TRIL: variants seen among roughly 807,000 people sequenced by gnomAD.
The protein encoded by TRIL is TLR4 interactor with leucine rich repeats.
In TRIL, 23 loss-of-function variants were observed where a neutral mutation model predicts 43.0. The ratio of observed to expected loss-of-function variants is 0.54; its 90% CI spans 0.39 to 0.76. The LOEUF (loss-of-function observed/expected upper bound fraction) is 0.76, where lower values mean the gene tolerates loss of function less well. Ranked by LOEUF, TRIL falls within the 30% of genes least tolerant of loss-of-function variation. The pLI, the probability that TRIL is intolerant of heterozygous loss-of-function variation, is 0.00. For synonymous variants in TRIL, 602 were observed against 556.8 expected, an observed-to-expected ratio of 1.08 and a Z score of -1.14; for missense variants, 1,114 against 1,139.3, an observed-to-expected ratio of 0.98 and a Z score of 0.32.
In TRIL at chr7:28,957,328, T is replaced by C. The variant is rs740250; in HGVS notation, c.719A>G (p.Asn240Ser). 0.86 allele frequency: 1,384,608 copies of C among 1,612,334 alleles called. 595,663 individuals carry two copies. Among genetic ancestry groups the C allele is most frequent in the African/African-American group, 0.91 (68,604 of 75,046 alleles). The change falls in exon 1 of 1, where the codon AAC becomes AGC. Residue 240 changes from asparagine (N) to serine (S), a missense_variant. By Grantham distance (46) the Asn-to-Ser change is conservative. Coordinates refer to ENST00000539664, the MANE Select transcript of TRIL (RefSeq NM_014817.4). ...SLSSLILSAN[N>S]LQHLGPRIFQ... ...GATGCGCGGCCCGAGGTGCTGCAGGTTGTTGGCCGAGAGGATGAGGGAGGA... is the reference window on the plus strand; with the variant it reads ...GATGCGCGGCCCGAGGTGCTGCAGGCTGTTGGCCGAGAGGATGAGGGAGGA...
chr7:28,957,266 T>G lies in TRIL; in HGVS notation c.781A>C (p.Arg261=), dbSNP rs746927832. The G allele has an allele frequency of 6.2e-7, 1 of 1,609,778 alleles. No homozygotes were observed. Among genetic ancestry groups the G allele is most frequent in the Admixed American group, 1.7e-5 (1 of 59,970 alleles). The change falls in exon 1 of 1, where the codon AGG becomes CGG. Residue 261 remains arginine (R), a synonymous_variant. Transcript: ENST00000539664. ...HLPRLGLLSL[R]GNQLTHLAPE... is the part of the protein sequence containing the mutation. ...GCGAGGTGCGTGAGCTGGTTGCCCC[T>G]GAGCGAGAGCAGGCCGAGACGTGGC...
rs765325044 is a variant in TRIL at position 28,956,682 on chromosome 7, C to G, written c.1365G>C (p.Gln455His). 6.3e-7 allele frequency: 1 copy of G among 1,584,162 alleles called. No homozygotes were observed. The highest frequency in any genetic ancestry group is 8.6e-7 in the Non-Finnish European group (1 of 1,169,290). The change falls in exon 1 of 1, where the codon CAG (glutamine) becomes CAC (histidine). Residue 455 changes from glutamine (Q) to histidine (H), a missense_variant. Physicochemically the swap from Gln to His is conservative, Grantham distance 24 (BLOSUM62 0). Transcript: ENST00000539664. ...GLAEELPPQPQLQQQGRFLAG... is the reference protein window; with the variant it reads ...GLAEELPPQPHLQQQGRFLAG... ...CTAGAAATCGCCCCTGCTGCTGGAG[C>G]TGCGGCTGCGGCGGCAGCTCCTCCG...
rs1009392685 is a variant in TRIL, at chr7:28,956,045, G to A, written c.2002C>T (p.Arg668Cys). 3 of 1,550,010 alleles carry A rather than the reference G, an allele frequency of 1.9e-6. No homozygotes were observed. In the South Asian group the frequency reaches 3.5e-5, roughly 18 times the overall value. Residue 668 changes from arginine to cysteine, a missense_variant, in exon 1 of 1, where the codon CGT becomes TGT. By Grantham distance (180) the Arg-to-Cys change is radical (BLOSUM62 -3). Transcript: ENST00000539664. ...LVCVEGVLGG[R>C]VCPVAPRDHC... Reference sequence around the variant, plus strand: ...TCCCGGGGAGCCACAGGGCAGACACGGCCCCCAAGCACGCCCTCCACGCAC... The same window carrying A: ...TCCCGGGGAGCCACAGGGCAGACACAGCCCCCAAGCACGCCCTCCACGCAC...
Position 28,957,044 on chromosome 7 carries a change from T to C in TRIL, c.1003A>G (p.Asn335Asp), listed in dbSNP as rs1178490572. ...TCCCCGGATAGGGCGCTGAGCGCGT[T>C]GTTGCGCAGGCTGAGCTCGCGCAGC... ...GRLRELSLRN[N>D]ALSALSGDIF... Residue 335 changes from asparagine (N) to aspartate (D), a missense_variant, in exon 1 of 1, where the codon AAC becomes GAC. Coordinates refer to ENST00000539664, the MANE Select transcript of TRIL (RefSeq NM_014817.4). The C allele has an allele frequency of 2.5e-6, 4 of 1,580,172 alleles. No individual in the cohort carries two copies. The highest frequency in any genetic ancestry group is 3.6e-5 in the Admixed American group (2 of 56,066).
chr7:28,956,102 G>C lies in TRIL; in HGVS notation c.1945C>G (p.Arg649Gly). ...LPESSDSATL[R>G]ELRGDTPYLV... ...TAGGGGGTGTCCCCGCGCAGCTCGC[G>C]CAGCGTGGCCGAGTCGCTGCTCTCA... The change falls in exon 1 of 1, where the codon CGC (arginine) becomes GGC (glycine). Residue 649 changes from arginine (R) to glycine (G), a missense_variant. By Grantham distance (125) the Arg-to-Gly change is moderately radical. Transcript: ENST00000539664. 1 of 1,557,720 alleles carries C rather than the reference G, an allele frequency of 6.4e-7. No homozygotes were observed. The highest frequency in any genetic ancestry group is 8.7e-7 in the Non-Finnish European group (1 of 1,153,420).
At position 28,956,634 on chromosome 7, in the gene TRIL, G is replaced by A. The variant is rs1392551486; in HGVS notation, c.1413C>T (p.Ala471=). The A allele has an allele frequency of 6.4e-7, 1 of 1,564,302 alleles. No individual in the cohort carries two copies. The highest frequency in any genetic ancestry group is 8.6e-7 in the Non-Finnish European group (1 of 1,158,534). The change falls in exon 1 of 1, where the codon GCC becomes GCT. Residue 471 remains alanine, a synonymous_variant. Transcript: ENST00000539664. ...RFLAGVAWDG[A]ARELVGNRSA... ...TGCGGTTGCCTACCAGCTCCCTGGC[G>A]GCCCCATCCCAGGCCACCCCAGCTA...
rs1180609599 is a variant in TRIL, at chr7:28,956,707, G to A, written c.1340C>T (p.Ala447Val). The part of the protein sequence containing the change: ...GEEMTPPAGL[A>V]EELPPQPQLQ... ...CTGCGGCTGCGGCGGCAGCTCCTCC[G>A]CGAGACCTGCAGGTGGCGTCATCTC... Residue 447 changes from alanine (A) to valine (V), a missense_variant, in exon 1 of 1, where the codon GCG becomes GTG. Physicochemically the swap from Ala to Val is moderately conservative, Grantham distance 64. Transcript: ENST00000539664. The A allele has an allele frequency of 6.3e-7, 1 of 1,592,268 alleles. No homozygotes were observed.
rs1783411597 is a variant in TRIL, at chr7:28,956,774, CG to C, written c.1272del (p.Ala425LeufsTer16). 1 of 1,609,136 alleles carries C rather than the reference CG, an allele frequency of 6.2e-7. No homozygotes were observed. ...CADPSPSASL[T>X]ADRRRQPLPT... ...GGTAGGGGCTGCCGCCTGCGGTCAG[CG>C]GTCAGGGAAGCTGAGGGCGAGGGAT... On this transcript the variant is annotated frameshift_variant, in exon 1 of 1. Transcript: ENST00000539664. LOFTEE classifies it high-confidence loss of function.
At position 28,957,967 on chromosome 7, in the gene TRIL, C is replaced by A; in HGVS notation, c.80G>T (p.Cys27Phe). The A allele has an allele frequency of 1.9e-6, 3 of 1,604,814 alleles. No homozygotes were observed. The highest frequency in any genetic ancestry group is 2.5e-6 in the Non-Finnish European group (3 of 1,179,418). The part of the protein sequence containing the change: ...LALPPLAEPV[C>F]PERCDCQHPQ... ...ATGCTGGCAGTCGCAGCGCTCCGGG[C>A]ACACGGGCTCGGCCAGCGGCGGGAG... Residue 27 changes from cysteine to phenylalanine, a missense_variant, in exon 1 of 1, where the codon TGC becomes TTC. Transcript: ENST00000539664.
At position 28,956,340 on chromosome 7, in the gene TRIL, C is replaced by A; in HGVS notation, c.1707G>T (p.Gly569=). ...HQERAAQSDG[G]AGLPPLVSDP... is the part of the protein sequence containing the mutation. ...CGGACACCAGCGGCGGCAGCCCGGC[C>A]CCACCGTCGGACTGGGCGGCACGCT... The change falls in exon 1 of 1, where the codon GGG becomes GGT. Residue 569 remains glycine, a synonymous_variant. Transcript: ENST00000539664. 1 of 1,531,406 alleles carries A rather than the reference C, an allele frequency of 6.5e-7. No individual in the cohort carries two copies. Among genetic ancestry groups the A allele is most frequent in the Non-Finnish European group, 8.7e-7 (1 of 1,144,920 alleles). 94.9% of individuals were successfully genotyped at this position (1,531,406 alleles called of 1,614,324 possible).
rs901652886 is a variant in TRIL at position 28,957,019 on chromosome 7, T to A, written c.1028A>T (p.Asp343Val). 6.3e-7 allele frequency: 1 copy of A among 1,581,830 alleles called. No individual in the cohort carries two copies. ...AAGGGCTGGGCTGGCGGCGAAGATG[T>A]CCCCGGATAGGGCGCTGAGCGCGTT... Reference protein sequence around the residue: ...RNNALSALSGDIFAASPALYR... With the variant: ...RNNALSALSGVIFAASPALYR... Residue 343 changes from aspartate (D) to valine (V), a missense_variant, in exon 1 of 1, where the codon GAC (aspartate) becomes GTC (valine). Transcript: ENST00000539664.
chr7:28,957,479 G>T lies in TRIL; in HGVS notation c.568C>A (p.Arg190=). The T allele has an allele frequency of 6.2e-7, 1 of 1,613,318 alleles. No individual in the cohort carries two copies. The highest frequency in any genetic ancestry group is 8.5e-7 in the Non-Finnish European group (1 of 1,179,856). ...GCGTTCTTGCCCAGAAAGCGGATCC[G>T]GTTGGACTCCAGATGTAGGTAGAGC... ...NLLYLHLESN[R]IRFLGKNAFA... Residue 190 remains arginine, a synonymous_variant, in exon 1 of 1, where the codon CGG becomes AGG. Coordinates refer to ENST00000539664, the MANE Select transcript of TRIL (RefSeq NM_014817.4).
Position 28,956,523 on chromosome 7 carries a change from G to T in TRIL, c.1524C>A (p.Ser508=). The change falls in exon 1 of 1, where the codon TCC becomes TCA. Residue 508 remains serine (S), a synonymous_variant. Transcript: ENST00000539664. ...VAAAAGPAPQ[S]LDLHKKPQRG... is the part of the protein sequence containing the mutation. ...GCTGGGGCTTCTTGTGCAGGTCTAG[G>T]GACTGTGGAGCCGGGCCCGCGGCGG... The T allele has an allele frequency of 1.9e-6, 3 of 1,566,240 alleles. No individual in the cohort carries two copies. Among genetic ancestry groups the T allele is most frequent in the Non-Finnish European group, 2.6e-6 (3 of 1,164,108 alleles).
chr7:28,956,320 A>G lies in TRIL; in HGVS notation c.1727T>C (p.Val576Ala), dbSNP rs568618967. 6 of 1,537,792 alleles carry G rather than the reference A, an allele frequency of 3.9e-6. No individual in the cohort carries two copies. The South Asian group carries it at 7.2e-5, about 18-fold the overall frequency. ...SDGGAGLPPL[V>A]SDPCDFNKFI... The stretch of plus-strand genomic sequence containing the variant: ...CTTGTTGAAGTCGCATGGGTCGGAC[A>G]CCAGCGGCGGCAGCCCGGCCCCACC... Residue 576 changes from valine to alanine, a missense_variant, in exon 1 of 1, where the codon GTG becomes GCG. Transcript: ENST00000539664.
In TRIL at chr7:28,955,196, C is replaced by T. The variant is rs1325642054; in HGVS notation, c.*415G>A. 1.1e-5 allele frequency: 2 copies of T among 180,538 alleles called. No individual in the cohort carries two copies. The highest frequency in any genetic ancestry group is 4.7e-5 in the African/African-American group (2 of 42,660). 11.2% of individuals were successfully genotyped at this position (180,538 alleles called of 1,614,324 possible). On this transcript the variant is annotated 3_prime_UTR_variant, in exon 1 of 1. Transcript: ENST00000539664. ...CCTCCTTTGTAATGGTAATAAGTTC[C>T]TTCCTTAAATAGAAACAAAACTTCT...
In TRIL at chr7:28,955,588, G is replaced by A. The variant is rs913558477; in HGVS notation, c.*23C>T. ...AGAGGCGGCTCCTTAGGGCCAATGA[G>A]ATGGTCTCTATATGCCCTGGACCTA... On this transcript the variant is annotated 3_prime_UTR_variant, in exon 1 of 1. Coordinates refer to ENST00000539664, the MANE Select transcript of TRIL (RefSeq NM_014817.4). 235 of 1,493,924 alleles carry A rather than the reference G, an allele frequency of 1.6e-4. No individual in the cohort carries two copies. The highest frequency in any genetic ancestry group is 2.0e-4 in the Non-Finnish European group (229 of 1,121,174). 92.5% of individuals were successfully genotyped at this position (1,493,924 alleles called of 1,614,324 possible).
Position 28,955,508 on chromosome 7 carries a change from T to A in TRIL, c.*103A>T. On this transcript the variant is annotated 3_prime_UTR_variant, in exon 1 of 1. Transcript: ENST00000539664. Reference sequence around the variant, plus strand: ...TTGGCCCTCTGTCCCCACCGGCCTCTCTGGCAAGTGCACAAAACGGCACTT... The same window carrying A: ...TTGGCCCTCTGTCCCCACCGGCCTCACTGGCAAGTGCACAAAACGGCACTT... The A allele has an allele frequency of 7.0e-7, 1 of 1,420,798 alleles. No homozygotes were observed. The highest frequency in any genetic ancestry group is 9.2e-7 in the Non-Finnish European group (1 of 1,086,308). The allele number at this position is 1,420,798 out of a possible 1,614,324, so 88.0% of individuals were successfully genotyped here.
In TRIL at chr7:28,955,985, CG is replaced by C; in HGVS notation, c.2061del (p.Ser689AlafsTer10). On this transcript the variant is annotated frameshift_variant, in exon 1 of 1. Transcript: ENST00000539664. LOFTEE classifies it high-confidence loss of function. ...HCAGLVTLPE[A>X]GSRGGVDYQL... ...TGGTAGTCGACGCCGCCCCGGCTCC[CG>C]GCCTCCGGTAGGGTGACCAGCCCCG... 1 of 1,551,548 alleles carries C rather than the reference CG, an allele frequency of 6.4e-7. No homozygotes were observed. Among genetic ancestry groups the C allele is most frequent in the South Asian group, 1.2e-5 (1 of 84,580 alleles).
rs547579772 is a variant in TRIL at position 28,956,869 on chromosome 7, G to A, written c.1178C>T (p.Pro393Leu). Residue 393 changes from proline to leucine, a missense_variant, in exon 1 of 1, where the codon CCC (proline) becomes CTC (leucine). Pro to Leu is a moderately conservative substitution (Grantham distance 98). Coordinates refer to ENST00000539664, the MANE Select transcript of TRIL (RefSeq NM_014817.4). Reference sequence around the variant, plus strand: ...CAGGTATTTGCCTCGCAGGGCCGGGGGGTGGCGACACTGCACGAAGACAGT... The same window carrying A: ...CAGGTATTTGCCTCGCAGGGCCGGGAGGTGGCGACACTGCACGAAGACAGT... ...LLTVFVQCRH[P>L]PALRGKYLDY... The A allele has an allele frequency of 1.2e-6, 2 of 1,608,166 alleles. No individual in the cohort carries two copies. The highest frequency in any genetic ancestry group is 1.3e-5 in the African/African-American group (1 of 74,932).
Sources: gnomAD v4.1 joint callset for allele counts on GRCh38, gnomAD v4.1.1 for gene constraint, MANE v1.5 for transcripts, NCBI Gene and HGNC (gene_info 2026-07-23, HGNC 2026-07-21) for gene names.